RBFOX1: variants seen among roughly 807,000 people sequenced by gnomAD.
RBFOX1 encodes the protein RNA binding fox-1 homolog 1.
A neutral mutation model predicts 57.7 loss-of-function variants in RBFOX1; 8 were observed. The observed-to-expected ratio is 0.14, with a 90% CI of 0.08 to 0.25. The LOEUF is 0.25. RBFOX1 is among the 10% of genes least tolerant of loss of function. RBFOX1 has a pLI of 1.00. For missense variants in RBFOX1, 611 were observed against 548.5 expected, an observed-to-expected ratio of 1.11 and a Z score of -1.14; for synonymous variants, 326 against 222.4, an observed-to-expected ratio of 1.47 and a Z score of -4.15.
chr16:6,761,107 A>G (rs1463805651), intron 3 of RBFOX1, among the ~76,000 whole-genome samples: 6 of 152,202 alleles, frequency 3.9e-5, no homozygotes, highest in East Asian at 1.9e-4. Flanking sequence ...AATTAGCACA[A>G]TCACGACTGA....
intron 1 of RBFOX1, among the ~76,000 whole-genome samples, chr16:6,052,701 G>A (rs1017487112): frequency 5.9e-5 from 9 of 151,768 alleles, no homozygotes; most frequent in Middle Eastern, 3.4e-3. Context: ...GGAGAATGGC[G>A]TGAACCCGGG....
intron 4 of RBFOX1, among the ~76,000 whole-genome samples, chr16:7,445,076 A>G (rs1195351463): frequency 1.3e-5 from 2 of 149,864 alleles, no homozygotes; most frequent in Non-Finnish European, 2.9e-5. Flanking sequence ...CTGCCCGGAA[A>G]AATACTGTCT....
chr16:6,769,816 T>C (rs568210175), intron 3 of RBFOX1, among the ~76,000 whole-genome samples: 1 of 152,318 alleles, frequency 6.6e-6, no homozygotes, highest in African/African-American at 2.4e-5. Context: ...GCAGCAATGA[T>C]GCCACAAAAC....
intron 2 of RBFOX1, among the ~76,000 whole-genome samples, chr16:5,529,562 C>T (rs1204207083): frequency 9.0e-6 from 1 of 111,694 alleles, no homozygotes; most frequent in Non-Finnish European, 1.7e-5. Flanking sequence ...ATGCTTGGCT[C>T]ATTTATGTAT....
intron 4 of RBFOX1, among the ~76,000 whole-genome samples, chr16:7,419,730 A>G (rs1597993619): frequency 6.6e-6 from 1 of 152,020 alleles, no homozygotes; most frequent in Non-Finnish European, 1.5e-5. Context: ...CCTCTCCTGC[A>G]TTTTGCAAGA....
chr16:5,829,797 C>T (rs934868555), intron 3 of RBFOX1, among the ~76,000 whole-genome samples: 1 of 152,182 alleles, frequency 6.6e-6, no homozygotes, highest in South Asian at 2.1e-4. Flanking sequence ...CCATCAGCAG[C>T]AACTACAGAA....
intron 1 of RBFOX1, among the ~76,000 whole-genome samples, chr16:6,316,376 T>C (rs1170728101): frequency 6.6e-6 from 1 of 152,234 alleles, no homozygotes. Flanking sequence ...ATGATAGCCA[T>C]ATTTATGAAA....
At chr16:6,526,851 A>C (rs1050709985) in intron 2 of RBFOX1, among the ~76,000 whole-genome samples, 1 of 140,290 alleles carries the variant, frequency 7.1e-6, no homozygotes, top group Non-Finnish European at 1.5e-5. Context: ...AAAAAAAAAA[A>C]AAAAAAAACA....
intron 4 of RBFOX1, among the ~76,000 whole-genome samples, chr16:5,964,761 A>G (rs909974743): frequency 5.3e-5 from 8 of 150,984 alleles, no homozygotes; most frequent in Middle Eastern, 3.4e-3. Context: ...GTGTATATGT[A>G]TATATATATA....
intron 4 of RBFOX1, among the ~76,000 whole-genome samples, chr16:7,131,266 G>A (rs1013369177): frequency 2.7e-5 from 4 of 148,736 alleles, no homozygotes; most frequent in East Asian, 2.0e-4. Context: ...GAATTGCTTC[G>A]ACCTGGGAAG....
intron 3 of RBFOX1, among the ~76,000 whole-genome samples, chr16:6,658,885 A>T (rs1490145475): frequency 6.6e-6 from 1 of 151,420 alleles, no homozygotes; most frequent in Non-Finnish European, 1.5e-5. Flanking sequence ...TTCACCCTTT[A>T]ATAGGAAGCA....
At chr16:5,567,817 G>A (rs1314756520) in intron 2 of RBFOX1, among the ~76,000 whole-genome samples, 2 of 152,106 alleles carry the variant, frequency 1.3e-5, no homozygotes, top group African/African-American at 2.4e-5. Flanking sequence ...TGCCAAGCAC[G>A]TCCTGATCAT....
chr16:7,437,628 G>C (rs574507822), intron 4 of RBFOX1, among the ~76,000 whole-genome samples: 1 of 152,168 alleles, frequency 6.6e-6, no homozygotes, highest in Non-Finnish European at 1.5e-5. Flanking sequence ...CATAAAGGCT[G>C]TAATTAGAAT....
intron 1 of RBFOX1, among the ~76,000 whole-genome samples, chr16:5,340,864 A>G (rs757403188): frequency 6.6e-6 from 1 of 152,178 alleles, no homozygotes; most frequent in Non-Finnish European, 1.5e-5. Context: ...AGTTCCAGAC[A>G]GTGATGAGGA....
chr16:6,865,089 G>A (rs754287886), intron 3 of RBFOX1, among the ~76,000 whole-genome samples: 28 of 129,510 alleles, frequency 2.2e-4, no homozygotes, highest in African/African-American at 3.0e-4. Context: ...TGCAACCTCC[G>A]CCTCCTGGGT....
At chr16:6,766,152 GAAAA>G (rs1380867084) in intron 3 of RBFOX1, among the ~76,000 whole-genome samples, 1 of 149,610 alleles carries the variant, frequency 6.7e-6, no homozygotes, top group South Asian at 2.1e-4. Context: ...TATTTAAAAA[GAAAA>G]AAAAGCAAAA....
At chr16:5,953,374 A>G (rs780981912) in intron 4 of RBFOX1, among the ~76,000 whole-genome samples, 6 of 152,192 alleles carry the variant, frequency 3.9e-5, no homozygotes, top group Non-Finnish European at 7.3e-5. Context: ...ATTTGGGGAC[A>G]GGTGGTGTTT....
At chr16:6,118,300 C>G (rs1253857697) in intron 1 of RBFOX1, among the ~76,000 whole-genome samples, 4 of 152,174 alleles carry the variant, frequency 2.6e-5, no homozygotes, top group Admixed American at 1.3e-4. Context: ...TCAGTCCACT[C>G]AGGCTCCTAT....
intron 3 of RBFOX1, among the ~76,000 whole-genome samples, chr16:5,852,676 G>A (rs1218598294): frequency 6.6e-6 from 1 of 152,080 alleles, no homozygotes; most frequent in African/African-American, 2.4e-5. Flanking sequence ...TGTAAAAGGG[G>A]TTATGCAGTT....
Sources: allele counts gnomAD v4.1 joint callset (sites outside exome capture counted in the v4.1 genomes callset), GRCh38; gene constraint gnomAD v4.1.1; transcripts MANE v1.5; gene names NCBI Gene and HGNC (gene_info 2026-07-23, HGNC 2026-07-21).